The following RNF17 variants were observed in gnomAD, a reference collection of about 807,000 sequenced individuals.
RNF17 encodes the protein ring finger protein 17.
RNF17 carries 31 observed loss-of-function variants against 200.5 expected under a neutral mutation model. That is an observed-to-expected ratio of 0.15 (90% CI 0.12 to 0.21). The LOEUF (loss-of-function observed/expected upper bound fraction) is 0.21. RNF17 is among the 10% of genes least tolerant of loss of function. RNF17 has a pLI of 1.00. For missense variants in RNF17, 1,628 were observed against 1,905.1 expected (o/e 0.85, Z 2.71); for synonymous variants, 606 against 637.8 (o/e 0.95, Z 0.75).
At position 24,767,289 on chromosome 13, in the gene RNF17, C is replaced by G. The variant is rs1185416497; in HGVS notation, c.148C>G (p.Gln50Glu). 4 of 1,607,670 alleles carry G rather than the reference C, an allele frequency of 2.5e-6. No homozygotes were observed. ...ATCAATAGGTCACCATTGTGAACTT[C>G]AATGTGGACATGCTTTTTGTGAACT... ...SRSSGHHCEL[Q>E]CGHAFCELCL... The change falls in exon 2 of 36, where the codon CAA (glutamine) becomes GAA (glutamate). Residue 50 changes from glutamine (Q) to glutamate (E), a missense_variant. This residue lies in a region of RNF17 where 502 missense variants were observed against 501.7 expected (regional missense o/e 1.00). Coordinates refer to ENST00000255324, the MANE Select transcript of RNF17 (RefSeq NM_031277.3).
At position 24,779,677 on chromosome 13, in the gene RNF17, C is replaced by T. The variant is rs1187640586; in HGVS notation, c.440C>T (p.Thr147Ile). 2.5e-6 allele frequency: 4 copies of T among 1,611,972 alleles called. No homozygotes were observed. Among genetic ancestry groups the T allele is most frequent in the African/African-American group, 2.7e-5 (2 of 74,882 alleles). Residue 147 changes from threonine (T) to isoleucine (I), a missense_variant, in exon 5 of 36, where the codon ACT (threonine) becomes ATT (isoleucine). By Grantham distance (89) the Thr-to-Ile change is moderately conservative (BLOSUM62 -1). Around this residue, in one of 5 missense-constraint regions of RNF17, gnomAD observed 502 missense variants for 501.7 expected, o/e 1.00. Transcript: ENST00000255324. ...TCCCTCCCTTCTTAGGACACTAATACTGCAGAAGAAATTGATGAAGCATTG... is the reference window on the plus strand; with the variant it reads ...TCCCTCCCTTCTTAGGACACTAATATTGCAGAAGAAATTGATGAAGCATTG... ...NSSAVMLDTN[T>I]AEEIDEALNT...
Position 24,778,013 on chromosome 13 carries a change from G to C in RNF17, c.318-282G>C, listed in dbSNP as rs189604585. On this transcript the variant is annotated intron_variant, in intron 3 of 35. Coordinates refer to ENST00000255324, the MANE Select transcript of RNF17 (RefSeq NM_031277.3). Reference sequence around the variant, plus strand: ...ACAGTGGCTCACACCTATAATCCCAGCACTTTGGGGGGCCGAGGTGGGTAG... The same window carrying C: ...ACAGTGGCTCACACCTATAATCCCACCACTTTGGGGGGCCGAGGTGGGTAG... Among the ~76,000 whole-genome samples, 227 of 152,248 alleles carry C rather than the reference G, an allele frequency of 1.5e-3. 1 individual carries two copies. The highest frequency in any genetic ancestry group is 5.3e-3 in the African/African-American group (219 of 41,544).
Position 24,766,750 on chromosome 13 carries a change from G to A in RNF17, c.131-522G>A, listed in dbSNP as rs955442149. Among the ~76,000 whole-genome samples the A allele has an allele frequency of 3.3e-5, 5 of 152,340 alleles. No homozygotes were observed. The South Asian group carries it at 1.0e-3, about 32-fold the overall frequency. On this transcript the variant is annotated intron_variant, in intron 1 of 35. Transcript: ENST00000255324. ...TATTTCATCTCCAGCCCACTTAACTGTGATATTTACAAATAACAAATAAAA... is the reference window on the plus strand; with the variant it reads ...TATTTCATCTCCAGCCCACTTAACTATGATATTTACAAATAACAAATAAAA...
intron 2 of RNF17, among the ~76,000 whole-genome samples, chr13:24,774,326 C>A (rs574716157): frequency 2.6e-5 from 4 of 152,192 alleles, no homozygotes; most frequent in Non-Finnish European, 5.9e-5. Flanking sequence ...TCTCCTGCCT[C>A]AGCCTCCCTA....
chr13:24,780,738 CG>C (rs1457202554), intron 5 of RNF17, among the ~76,000 whole-genome samples: 1 of 151,966 alleles, frequency 6.6e-6, no homozygotes, highest in Non-Finnish European at 1.5e-5. Context: ...AAAAGTTAGC[CG>C]GGCATGGTGG....
At chr13:24,872,617 TC>T (rs776435328) in intron 32 of RNF17, among the ~76,000 whole-genome samples, 38 of 152,232 alleles carry the variant, frequency 2.5e-4, no homozygotes, top group Admixed American at 1.0e-3. Flanking sequence ...GAACAGGTGC[TC>T]TAAGCAGAGA....
chr13:24,836,752 A>G (rs1890038718), intron 18 of RNF17, among the ~76,000 whole-genome samples: 1 of 152,186 alleles, frequency 6.6e-6, no homozygotes. Context: ...ACATCAAAAC[A>G]GAATCTCTTC....
intron 24 of RNF17, among the ~76,000 whole-genome samples, chr13:24,853,405 G>T (rs572621686): frequency 1.1e-4 from 17 of 151,780 alleles, no homozygotes; most frequent in Non-Finnish European, 1.3e-4. Flanking sequence ...TTACCACTTA[G>T]GTAATATATG....
intron 15 of RNF17, among the ~76,000 whole-genome samples, chr13:24,821,205 G>A (rs991218716): frequency 2.6e-5 from 4 of 151,982 alleles, no homozygotes; most frequent in Non-Finnish European, 4.4e-5. Context: ...AAATTTTGCC[G>A]TTTTTATAAA....
intron 9 of RNF17, among the ~76,000 whole-genome samples, chr13:24,790,603 G>A (rs1883721774): frequency 6.6e-6 from 1 of 152,152 alleles, no homozygotes; most frequent in African/African-American, 2.4e-5. Context: ...AAAAAGAACA[G>A]ATGTTGTTTA....
chr13:24,800,184 C>G (rs1290595749), intron 12 of RNF17, among the ~76,000 whole-genome samples, 182 bp from the exon 13 acceptor site: 2 of 152,162 alleles, frequency 1.3e-5, no homozygotes, highest in Non-Finnish European at 2.9e-5. Context: ...TGGAGGAAAA[C>G]TGTCTCTGCT....
chr13:24,833,602 T>A (rs1889661041), intron 18 of RNF17, among the ~76,000 whole-genome samples: 3 of 152,254 alleles, frequency 2.0e-5, no homozygotes, highest in African/African-American at 7.2e-5. Context: ...GGTTTCTTTC[T>A]TGATTCCTCT....
At chr13:24,773,271 A>G (rs1881046561) in intron 2 of RNF17, among the ~76,000 whole-genome samples, 1 of 152,252 alleles carries the variant, frequency 6.6e-6, no homozygotes, top group African/African-American at 2.4e-5. Flanking sequence ...TCACAGTATC[A>G]TTCACAATAG....
chr13:24,869,789 G>A (rs955389368), intron 31 of RNF17, among the ~76,000 whole-genome samples: 2 of 142,316 alleles, frequency 1.4e-5, no homozygotes, highest in African/African-American at 3.1e-5. Context: ...TTTTGAGATA[G>A]GGGTCACGTT....
chr13:24,765,099 T>C (rs1463837569), intron 1 of RNF17, among the ~76,000 whole-genome samples: 2 of 152,130 alleles, frequency 1.3e-5, no homozygotes, highest in East Asian at 1.9e-4. Context: ...CACTGCAAGC[T>C]CCGCCTCCCA....
In RNF17 at chr13:24,785,861, C is replaced by A. The variant is rs185442084; in HGVS notation, c.612-2127C>A. Among the ~76,000 whole-genome samples, 21 of 152,216 alleles carry A rather than the reference C, an allele frequency of 1.4e-4. No individual in the cohort carries two copies. The South Asian group carries it at 1.9e-3, about 14-fold the overall frequency. ...GAGCCACCCCAGCTTTTTAAATTAT[C>A]GGCATGTATTATCTTTTTCCATCCT... On this transcript the variant is annotated intron_variant, in intron 6 of 35. Coordinates refer to ENST00000255324, the MANE Select transcript of RNF17 (RefSeq NM_031277.3).
At chr13:24,801,561 T>G (rs139607721) in intron 13 of RNF17, among the ~76,000 whole-genome samples, 3 of 152,198 alleles carry the variant, frequency 2.0e-5, no homozygotes, top group South Asian at 4.1e-4. Context: ...AGGCGGAGAT[T>G]GCATGAGCTG....
At chr13:24,883,823 C>G (rs1168156796), downstream of RNF17, 5 of 898,976 alleles carry the variant, frequency 5.6e-6, no homozygotes, top group Non-Finnish European at 7.4e-6. Flanking sequence ...GACTGACATG[C>G]CTGTGGGACA....
rs778602485 is a variant in RNF17 at position 24,877,135 on chromosome 13, G to A, written c.4722G>A (p.Leu1574=). 3 of 1,613,608 alleles carry A rather than the reference G, an allele frequency of 1.9e-6. No homozygotes were observed. The highest frequency in any genetic ancestry group is 2.2e-5 in the South Asian group (2 of 90,996). ...GTCCCAAATGGAGCATGGAGGCACT[G>A]TGGGCTATGATAGACTGTCTTCAAG... ...PYCPKWSMEA[L]WAMIDCLQGK... Residue 1574 remains leucine, a synonymous_variant, in exon 34 of 36, where the codon CTG becomes CTA. Transcript: ENST00000255324.
Sources: allele counts gnomAD v4.1 joint callset (sites outside exome capture counted in the v4.1 genomes callset), GRCh38; gene constraint gnomAD v4.1.1; regional missense constraint gnomAD v4.1.1; transcripts MANE v1.5; gene names NCBI Gene and HGNC (gene_info 2026-07-23, HGNC 2026-07-21).